C12orf42: variants seen among roughly 807,000 people sequenced by gnomAD.
C12orf42 encodes the protein uncharacterized protein C12orf42.
C12orf42 carries 25 observed loss-of-function variants against 21.6 expected under a neutral mutation model. That is an observed-to-expected ratio of 1.16 (90% CI 0.84 to 1.62). The LOEUF (loss-of-function observed/expected upper bound fraction) is 1.62, where lower values mean the gene tolerates loss of function less well. Among genes scored for constraint, C12orf42 ranks in the 40% most tolerant of loss-of-function variants. C12orf42 has a pLI of 0.00. For synonymous variants in C12orf42, 174 were observed against 175.0 expected (o/e 0.99, Z 0.05); for missense variants, 483 against 459.3 (o/e 1.05, Z -0.47).
the C12orf42 span, among the ~76,000 whole-genome samples, chr12:103,146,588 G>GAAAGAAAGAAAGAAAGAAAGAAAGAAAA: frequency 5.9e-4 from 88 of 148,354 alleles, no homozygotes; most frequent in African/African-American, 2.1e-3. Flanking sequence ...AAGAAAGAAA[G>GAAAGAAAGAAAGAAAGAAAGAAAGAAAA]AAAGAAAGAA....
the C12orf42 span, among the ~76,000 whole-genome samples, chr12:103,525,840 C>T: frequency 6.6e-6 from 1 of 152,066 alleles, no homozygotes; most frequent in South Asian, 2.1e-4. Context: ...CCAGCCTGGC[C>T]AACAAGGTGA....
At chr12:103,556,599 G>A in the C12orf42 span, among the ~76,000 whole-genome samples, 1 of 152,026 alleles carries the variant, frequency 6.6e-6, no homozygotes, top group Non-Finnish European at 1.5e-5. Flanking sequence ...CATGCAAATC[G>A]GTCTTCAAAA....
At chr12:103,528,864 A>G in the C12orf42 span, among the ~76,000 whole-genome samples, 2 of 152,190 alleles carry the variant, frequency 1.3e-5, no homozygotes, top group Non-Finnish European at 2.9e-5. Flanking sequence ...TAATCCTCTA[A>G]TAACTGTTTG....
intron 1 of C12orf42, among the ~76,000 whole-genome samples, chr12:103,489,607 C>G (rs760556158): frequency 6.6e-6 from 1 of 152,200 alleles, no homozygotes; most frequent in African/African-American, 2.4e-5. Flanking sequence ...TGGGTTCCCC[C>G]AGTTTGAGCT....
chr12:103,311,467 G>A (rs2038967094), intron 4 of C12orf42, among the ~76,000 whole-genome samples: 1 of 151,968 alleles, frequency 6.6e-6, no homozygotes, highest in Non-Finnish European at 1.5e-5. Context: ...AATGAATTTT[G>A]GGTTACCTCT....
At chr12:103,253,376 A>C (rs2034401302) in intron 10 of C12orf42, among the ~76,000 whole-genome samples, 1 of 152,172 alleles carries the variant, frequency 6.6e-6, no homozygotes, top group African/African-American at 2.4e-5. Context: ...AACAGCATTA[A>C]ATCTAAACAT....
the C12orf42 span, among the ~76,000 whole-genome samples, chr12:103,116,097 C>T: frequency 2.0e-5 from 3 of 152,160 alleles, no homozygotes; most frequent in African/African-American, 4.8e-5. Context: ...CGCAGTGGCT[C>T]ACGCCTGTAA....
rs116757533 is a variant in C12orf42 at position 103,387,939 on chromosome 12, C to A, written c.147+13668G>T. 2.4e-3 allele frequency among the ~76,000 whole-genome samples: 360 copies of A among 152,226 alleles called. 1 individual carries two copies. Among genetic ancestry groups the A allele is most frequent in the African/African-American group, 8.3e-3 (346 of 41,532 alleles). On this transcript the variant is annotated intron_variant, in intron 3 of 5. Coordinates refer to ENST00000548883, the MANE Select transcript of C12orf42 (RefSeq NM_198521.5). ...TTTTTAACACATTTAATGTTACTTT[C>A]TTAATCCAACTCAACTTGCAGTAAA...
chr12:103,291,344 G>A (rs1427139267), intron 4 of C12orf42, among the ~76,000 whole-genome samples: 1 of 152,198 alleles, frequency 6.6e-6, no homozygotes, highest in Non-Finnish European at 1.5e-5. Context: ...AAAATTAAAG[G>A]AGATACCAAT....
chr12:103,550,686 C>T, the C12orf42 span: 1 of 152,072 alleles, frequency 6.6e-6, no homozygotes, highest in Non-Finnish European at 1.5e-5. Context: ...AAAATTATCT[C>T]ATTATTATTT....
chr12:103,122,676 G>A, the C12orf42 span, among the ~76,000 whole-genome samples: 1 of 152,288 alleles, frequency 6.6e-6, no homozygotes, highest in South Asian at 2.1e-4. Context: ...CTGAGGCTCT[G>A]ACTTAGAAAC....
At chr12:103,101,842 T>C in the C12orf42 span, among the ~76,000 whole-genome samples, 3 of 152,208 alleles carry the variant, frequency 2.0e-5, no homozygotes, top group African/African-American at 7.2e-5. Context: ...TGTGGTCAGC[T>C]GTCTGCTAAG....
intron 4 of C12orf42, among the ~76,000 whole-genome samples, chr12:103,355,188 G>A (rs2043428083): frequency 6.6e-6 from 1 of 152,042 alleles, no homozygotes; most frequent in Non-Finnish European, 1.5e-5. Flanking sequence ...CCAGCTCCTA[G>A]CAGAGCACTC....
intron 4 of C12orf42, among the ~76,000 whole-genome samples, chr12:103,347,103 A>G (rs561667861): frequency 6.6e-6 from 1 of 152,218 alleles, no homozygotes; most frequent in South Asian, 2.1e-4. Context: ...ACATGAGCAG[A>G]ATGTGCAGTT....
the C12orf42 span, among the ~76,000 whole-genome samples, chr12:103,150,591 G>A: frequency 6.6e-6 from 1 of 152,206 alleles, no homozygotes; most frequent in South Asian, 2.1e-4. Flanking sequence ...GCAGAGTGAA[G>A]CAGAATCACT....
chr12:103,280,768 T>C (rs536871498), intron 4 of C12orf42, among the ~76,000 whole-genome samples: 42 of 152,362 alleles, frequency 2.8e-4, no homozygotes, highest in African/African-American at 1.0e-3. Flanking sequence ...ACCAAGGTTT[T>C]CCCACTTAGT....
intron 2 of C12orf42, among the ~76,000 whole-genome samples, chr12:103,448,096 C>A (rs184661206): frequency 1.9e-4 from 29 of 151,986 alleles, no homozygotes; most frequent in African/African-American, 6.5e-4. Flanking sequence ...AAAATAGGCA[C>A]ACAGACCAAT....
chr12:103,337,069 T>A (rs1203808717), intron 4 of C12orf42, among the ~76,000 whole-genome samples: 3 of 152,164 alleles, frequency 2.0e-5, no homozygotes, highest in African/African-American at 4.8e-5. Context: ...CATTCTGCAA[T>A]GTTATGGTTA....
Position 103,306,220 on chromosome 12 carries a change from A to C in C12orf42, c.385T>G (p.Ser129Ala). 2.5e-6 allele frequency: 4 copies of C among 1,613,952 alleles called. No homozygotes were observed. Among genetic ancestry groups the C allele is most frequent in the Non-Finnish European group, 3.4e-6 (4 of 1,179,876 alleles). The stretch of plus-strand genomic sequence containing the variant: ...GTTTCACTGGATGGTGCTGGAGAGG[A>C]ACGGAATTCTTCATAGCTTTCTTCA... ...FDEESYEEFR[S>A]SPAPSSETDE... is the part of the protein sequence containing the mutation. Residue 129 changes from serine to alanine, a missense_variant, in exon 5 of 6, where the codon TCC becomes GCC. Transcript: ENST00000548883.
Sources: gnomAD v4.1 joint callset for allele counts (sites outside exome capture counted in the v4.1 genomes callset) on GRCh38, gnomAD v4.1.1 for gene constraint, MANE v1.5 for transcripts, NCBI Gene and HGNC (gene_info 2026-07-23, HGNC 2026-07-21) for gene names.